The following SPATS2L variants were observed in gnomAD, a reference collection of about 807,000 sequenced individuals.
The protein encoded by SPATS2L is SPATS2-like protein.
In SPATS2L, 30 loss-of-function variants were observed where a neutral mutation model predicts 59.6. The ratio of observed to expected loss-of-function variants is 0.50; its 90% CI spans 0.38 to 0.68. The LOEUF (loss-of-function observed/expected upper bound fraction) is 0.68. Among genes scored for constraint, SPATS2L ranks in the 30% least tolerant of loss-of-function variants. SPATS2L has a pLI of 0.00. For missense variants in SPATS2L, 615 were observed against 700.0 expected, an observed-to-expected ratio of 0.88 and a Z score of 1.37; for synonymous variants, 252 against 263.5, an observed-to-expected ratio of 0.96 and a Z score of 0.42.
intron 2 of SPATS2L, among the ~76,000 whole-genome samples, chr2:200,369,431 T>TTAG (rs1258019057): frequency 6.6e-6 from 1 of 152,116 alleles, no homozygotes; most frequent in Non-Finnish European, 1.5e-5. Flanking sequence ...AGTGCTGGGA[T>TTAG]TACGGGCATG....
chr2:200,353,318 T>G (rs2080803647), intron 2 of SPATS2L, among the ~76,000 whole-genome samples: 1 of 152,190 alleles, frequency 6.6e-6, no homozygotes, highest in South Asian at 2.1e-4. Context: ...GCAATCCAAG[T>G]GGAGGTCCCT....
intron 2 of SPATS2L, among the ~76,000 whole-genome samples, chr2:200,331,401 A>G (rs2079938539): frequency 6.6e-6 from 1 of 152,174 alleles, no homozygotes; most frequent in African/African-American, 2.4e-5. Flanking sequence ...CATTTTCACA[A>G]ATTTCTCATG....
At chr2:200,462,029 T>C (rs547041252) in intron 9 of SPATS2L, among the ~76,000 whole-genome samples, 1 of 152,198 alleles carries the variant, frequency 6.6e-6, no homozygotes, top group South Asian at 2.1e-4. Flanking sequence ...TATTTTATTC[T>C]TATGAAATTT....
At chr2:200,396,168 T>C (rs73986860) in intron 3 of SPATS2L, among the ~76,000 whole-genome samples, 3,693 of 150,350 alleles carry the variant, frequency 0.025, 156 homozygotes, top group African/African-American at 0.086. Flanking sequence ...TAGCTATTGC[T>C]GAGCCTACAA....
intron 3 of SPATS2L, 126 bp downstream of exon 3, chr2:200,389,409 A>T (rs865912277): frequency 1.6e-6 from 1 of 617,518 alleles, no homozygotes. Context: ...TAAGTTTGCC[A>T]CAACAGTAAA....
chr2:200,474,796 C>T (rs2087379075), intron 12 of SPATS2L, among the ~76,000 whole-genome samples: 1 of 152,144 alleles, frequency 6.6e-6, no homozygotes, highest in Admixed American at 6.5e-5. Flanking sequence ...ATATCTAAGT[C>T]AGAACACTGT....
At chr2:200,353,881 T>C (rs1190454966) in intron 2 of SPATS2L, among the ~76,000 whole-genome samples, 3 of 152,202 alleles carry the variant, frequency 2.0e-5, no homozygotes, top group African/African-American at 7.2e-5. Flanking sequence ...GAAGAGAACA[T>C]TCCATAAATA....
chr2:200,414,111 G>GC (rs1236963326), intron 4 of SPATS2L, among the ~76,000 whole-genome samples: 1 of 151,632 alleles, frequency 6.6e-6, no homozygotes, highest in African/African-American at 2.4e-5. Context: ...TTGGATTGAG[G>GC]CCCCCCACGT....
intron 3 of SPATS2L, among the ~76,000 whole-genome samples, chr2:200,403,052 C>A (rs74448146): frequency 5.3e-5 from 8 of 152,248 alleles, no homozygotes; most frequent in East Asian, 3.9e-4. Flanking sequence ...AGTAAAGGCC[C>A]GGGGACACTT....
At chr2:200,393,572 C>T (rs1206145877) in intron 3 of SPATS2L, among the ~76,000 whole-genome samples, 1 of 152,184 alleles carries the variant, frequency 6.6e-6, no homozygotes, top group Non-Finnish European at 1.5e-5. Context: ...TAGTGAATTC[C>T]ATCTTCCCAT....
intron 3 of SPATS2L, among the ~76,000 whole-genome samples, chr2:200,410,010 A>G (rs967770486): frequency 3.3e-5 from 5 of 152,144 alleles, no homozygotes; most frequent in Non-Finnish European, 5.9e-5. Context: ...CCATTATTTT[A>G]TGTTTATTCC....
At chr2:200,426,458 G>T (rs1019507115) in intron 6 of SPATS2L, among the ~76,000 whole-genome samples, 8 of 152,236 alleles carry the variant, frequency 5.3e-5, no homozygotes, top group Non-Finnish European at 1.0e-4. Context: ...GTCAGGCACA[G>T]TGGCTCATGC....
intron 2 of SPATS2L, among the ~76,000 whole-genome samples, chr2:200,377,272 C>T (rs1005446918): frequency 3.3e-5 from 5 of 152,102 alleles, no homozygotes; most frequent in African/African-American, 7.2e-5. Flanking sequence ...CTTGGTGAAT[C>T]GTAATTGCTT....
rs59073895 is a variant in SPATS2L at position 200,477,515 on chromosome 2, T to TAAAAAAAAAAAAAAAAA, written c.1282-114_1282-98dup. 274 of 302,646 alleles carry TAAAAAAAAAAAAAAAAA rather than the reference T, an allele frequency of 9.1e-4. 10 individuals carry two copies. The highest frequency in any genetic ancestry group is 5.7e-3 in the African/African-American group (131 of 23,098). 18.7% of individuals were successfully genotyped at this position (302,646 alleles called of 1,614,324 possible). On this transcript the variant is annotated intron_variant, in intron 12 of 12. Transcript: ENST00000409140. ...CATGTTTTCTGATTCTTCTGGTGTA[T>TAAAAAAAAAAAAAAAAA]AAAAAAAAAAAAAAAAAAAAAAAGC...
rs1351972668 is a variant in SPATS2L, at chr2:200,481,188, T to G, written c.*3157T>G. On this transcript the variant is annotated 3_prime_UTR_variant, in exon 13 of 13. Coordinates refer to ENST00000409140, the MANE Select transcript of SPATS2L (RefSeq NM_001100423.2). The stretch of plus-strand genomic sequence containing the variant: ...GCAAAATTCACCCTCAGTGGAGGAC[T>G]AGAAACACAACATGTCCAATTTAAA... The G allele has an allele frequency of 6.6e-6, 1 of 152,256 alleles. No individual in the cohort carries two copies. The highest frequency in any genetic ancestry group is 6.5e-5 in the Admixed American group (1 of 15,284). 9.4% of individuals were successfully genotyped at this position (152,256 alleles called of 1,614,324 possible). A position where few individuals can be genotyped will look rare whatever the true frequency, so the allele number is the denominator to read the frequency against.
chr2:200,373,790 A>T (rs1460411783), intron 2 of SPATS2L, among the ~76,000 whole-genome samples: 5 of 152,228 alleles, frequency 3.3e-5, no homozygotes, highest in African/African-American at 1.2e-4. Context: ...ACAAAACTGA[A>T]AGTACTGAAA....
intron 2 of SPATS2L, among the ~76,000 whole-genome samples, chr2:200,347,326 G>A (rs1395947255): frequency 6.6e-6 from 1 of 152,152 alleles, no homozygotes. Flanking sequence ...AGATCACTAG[G>A]TGGGAGTTCC....
rs1377653144 is a variant in SPATS2L at position 200,479,048 on chromosome 2, A to G, written c.*1017A>G. Reference sequence around the variant, plus strand: ...CTTCCGAGTAGCTGGGATTACAGGCATGTGCCACCACGCCCTGCTAATTTT... The same window carrying G: ...CTTCCGAGTAGCTGGGATTACAGGCGTGTGCCACCACGCCCTGCTAATTTT... On this transcript the variant is annotated 3_prime_UTR_variant, in exon 13 of 13. Transcript: ENST00000409140. 1 of 152,410 alleles carries G rather than the reference A, an allele frequency of 6.6e-6. No individual in the cohort carries two copies. Among genetic ancestry groups the G allele is most frequent in the Non-Finnish European group, 1.5e-5 (1 of 68,288 alleles). 9.4% of individuals were successfully genotyped at this position (152,410 alleles called of 1,614,324 possible).
chr2:200,363,091 T>G (rs1279831825), intron 2 of SPATS2L, among the ~76,000 whole-genome samples: 1 of 152,148 alleles, frequency 6.6e-6, no homozygotes, highest in African/African-American at 2.4e-5. Context: ...CTTCTATTAG[T>G]CTCAGTTATT....
Sources: allele counts gnomAD v4.1 joint callset (sites outside exome capture counted in the v4.1 genomes callset), GRCh38; gene constraint gnomAD v4.1.1; transcripts MANE v1.5; gene names NCBI Gene and HGNC (gene_info 2026-07-23, HGNC 2026-07-21).